Variants in ZNF791 observed in about 807,000 individuals in gnomAD.
ZNF791 encodes zinc finger protein 791.
Under a neutral mutation model 11.5 loss-of-function variants are expected in ZNF791, and 4 were observed. That is an observed-to-expected ratio of 0.35 (90% CI 0.17 to 0.80). ZNF791 has a LOEUF of 0.80. Among genes scored for constraint, ZNF791 ranks in the 30% least tolerant of loss-of-function variants. The pLI, the probability that ZNF791 is intolerant of heterozygous loss-of-function variation, is 0.53. For synonymous variants in ZNF791, 212 were observed against 228.1 expected, an observed-to-expected ratio of 0.93 and a Z score of 0.64; for missense variants, 559 against 699.4, an observed-to-expected ratio of 0.80 and a Z score of 2.26.
At chr19:12,621,803 G>A (rs1300404479) in intron 1 of ZNF791, among the ~76,000 whole-genome samples, 16 of 138,508 alleles carry the variant, frequency 1.2e-4, no homozygotes, top group East Asian at 2.0e-4. Flanking sequence ...CAGCCGCCCC[G>A]TCCGGGAGGT....
Position 12,610,946 on chromosome 19 carries a change from C to A in ZNF791, c.-134C>A. On this transcript the variant is annotated 5_prime_UTR_variant, in exon 1 of 4. Transcript: ENST00000343325. ...AATGCGTGCTACGTCACTGTGCGAT[C>A]GGGTTGTGCTTAGCTTGGGGTCTCC... 2 of 1,237,082 alleles carry A rather than the reference C, an allele frequency of 1.6e-6. No homozygotes were observed. Among genetic ancestry groups the A allele is most frequent in the African/African-American group, 1.5e-5 (1 of 67,742 alleles). 76.6% of individuals were successfully genotyped at this position (1,237,082 alleles called of 1,614,324 possible). A position where few individuals can be genotyped will look rare whatever the true frequency, so the allele number is the denominator to read the frequency against.
Position 12,631,995 on chromosome 19 carries a change from C to T in ZNF791, c.*2735C>T, listed in dbSNP as rs1382414044. ...TTTTTTTTCGAGACGGAGTCTTGCT[C>T]TGTTGCCCAGGCTGGAGTTCAGCGG... is the stretch of plus-strand genomic sequence containing the variant. On this transcript the variant is annotated 3_prime_UTR_variant, in exon 4 of 4. Coordinates refer to ENST00000343325, the MANE Select transcript of ZNF791 (RefSeq NM_153358.3). 3 of 150,568 alleles carry T rather than the reference C, an allele frequency of 2.0e-5. No homozygotes were observed. Among genetic ancestry groups the T allele is most frequent in the Admixed American group, 1.3e-4 (2 of 15,088 alleles). The allele number at this position is 150,568 out of a possible 1,614,324, so 9.3% of individuals were successfully genotyped here. A position where few individuals can be genotyped will look rare whatever the true frequency, so the allele number is the denominator to read the frequency against.
At chr19:12,620,333 G>A (rs62108380) in intron 1 of ZNF791, among the ~76,000 whole-genome samples, 22 of 151,966 alleles carry the variant, frequency 1.4e-4, no homozygotes, top group African/African-American at 4.1e-4. Context: ...GCACCACCAC[G>A]CCTGGCCAAG....
intron 1 of ZNF791, among the ~76,000 whole-genome samples, chr19:12,618,422 G>A (rs1467494684): frequency 1.3e-5 from 2 of 152,012 alleles, no homozygotes; most frequent in Non-Finnish European, 2.9e-5. Context: ...GAGGCGGGAA[G>A]ATTGCTTGAG....
intron 1 of ZNF791, among the ~76,000 whole-genome samples, chr19:12,618,808 AGTGTGT>A (rs60468264): frequency 0.093 from 13,387 of 143,560 alleles, 756 homozygotes; most frequent in African/African-American, 0.15. Flanking sequence ...TTTACCTCTC[AGTGTGT>A]GTGTGTGTGT....
intron 1 of ZNF791, among the ~76,000 whole-genome samples, chr19:12,617,219 G>C (rs1351491677): frequency 1.3e-5 from 2 of 149,782 alleles, no homozygotes; most frequent in African/African-American, 4.9e-5. Context: ...TCCGCCTCCC[G>C]GGTTCAAGCG....
chr19:12,621,718 G>GA, intron 1 of ZNF791, among the ~76,000 whole-genome samples: 1 of 102,150 alleles, frequency 9.8e-6, no homozygotes, highest in Non-Finnish European at 2.3e-5. Context: ...CCACCTCGGT[G>GA]GGGGGTCAGC....
intron 1 of ZNF791, among the ~76,000 whole-genome samples, chr19:12,621,767 G>A (rs12983695): frequency 8.0e-6 from 1 of 125,494 alleles, no homozygotes; most frequent in Non-Finnish European, 1.7e-5. Flanking sequence ...GGAGGGAGGT[G>A]GGGGGGGTCA....
chr19:12,630,455 G>GA lies in ZNF791; in HGVS notation c.*1207dup, dbSNP rs1038589709. ...GGGTGACAGAGCGAGACTCCGTCTC[G>GA]AAAAAAAAAAAATTACAGCACAGAT... On this transcript the variant is annotated 3_prime_UTR_variant, in exon 4 of 4. Transcript: ENST00000343325. 5.4e-4 allele frequency: 76 copies of GA among 141,202 alleles called. No homozygotes were observed. Among genetic ancestry groups the GA allele is most frequent in the African/African-American group, 7.6e-4 (28 of 37,082 alleles). The allele number at this position is 141,202 out of a possible 1,614,324, so 8.7% of individuals were successfully genotyped here.
In ZNF791 at chr19:12,630,787, A is replaced by C. The variant is rs2023493797; in HGVS notation, c.*1527A>C. 6.6e-6 allele frequency: 1 copy of C among 152,222 alleles called. No homozygotes were observed. The highest frequency in any genetic ancestry group is 1.5e-5 in the Non-Finnish European group (1 of 68,042). The allele number at this position is 152,222 out of a possible 1,614,324, so 9.4% of individuals were successfully genotyped here. On this transcript the variant is annotated 3_prime_UTR_variant, in exon 4 of 4. Transcript: ENST00000343325. The stretch of plus-strand genomic sequence containing the variant: ...TAGTCTTTAACAAAAATAGTTTAAA[A>C]AAATTTAATAGAAAAAGCTTATAGA...
intron 1 of ZNF791, among the ~76,000 whole-genome samples, chr19:12,614,258 G>A (rs2023204741): frequency 6.6e-6 from 1 of 152,034 alleles, no homozygotes; most frequent in South Asian, 2.1e-4. Flanking sequence ...TTTTGAGACC[G>A]AGTCTCACTC....
rs953621197 is a variant in ZNF791 at position 12,633,244 on chromosome 19, G to C, written c.*3984G>C. 1.3e-5 allele frequency: 2 copies of C among 151,634 alleles called. No individual in the cohort carries two copies. The highest frequency in any genetic ancestry group is 1.5e-5 in the Non-Finnish European group (1 of 67,986). The allele number at this position is 151,634 out of a possible 1,614,324, so 9.4% of individuals were successfully genotyped here. On this transcript the variant is annotated 3_prime_UTR_variant, in exon 4 of 4. Transcript: ENST00000343325. ...ATTTTCGCCTTTTTTTTATAATTCT[G>C]TCTGGGATTTGAATAGTAGAGTTTG...
Position 12,632,453 on chromosome 19 carries a change from T to A in ZNF791, c.*3193T>A, listed in dbSNP as rs1568292449. 6.6e-6 allele frequency: 1 copy of A among 152,118 alleles called. No individual in the cohort carries two copies. Among genetic ancestry groups the A allele is most frequent in the Non-Finnish European group, 1.5e-5 (1 of 68,024 alleles). The allele number at this position is 152,118 out of a possible 1,614,324, so 9.4% of individuals were successfully genotyped here. Reference sequence around the variant, plus strand: ...AAGGTGGTGCATATATTACCCATTATATATTTATTTCACCTTTTCCGAAAA... The same window carrying A: ...AAGGTGGTGCATATATTACCCATTAAATATTTATTTCACCTTTTCCGAAAA... On this transcript the variant is annotated 3_prime_UTR_variant, in exon 4 of 4. Coordinates refer to ENST00000343325, the MANE Select transcript of ZNF791 (RefSeq NM_153358.3).
intron 1 of ZNF791, among the ~76,000 whole-genome samples, chr19:12,614,664 G>A (rs2023212331): frequency 6.8e-6 from 1 of 147,370 alleles, no homozygotes; most frequent in African/African-American, 2.5e-5. Flanking sequence ...GCACAATCTC[G>A]GCTCACCGCA....
intron 1 of ZNF791, among the ~76,000 whole-genome samples, chr19:12,617,584 A>C (rs2023263937): frequency 6.6e-6 from 1 of 152,030 alleles, no homozygotes; most frequent in Non-Finnish European, 1.5e-5. Context: ...ATATTCTTTG[A>C]AAATTGTTAA....
At position 12,627,659 on chromosome 19, in the gene ZNF791, C is replaced by T. The variant is rs191606587; in HGVS notation, c.192-62C>T. The T allele has an allele frequency of 7.6e-5, 106 of 1,397,246 alleles. No homozygotes were observed. In the Admixed American group the frequency reaches 1.8e-3, roughly 23 times the overall value. 86.6% of individuals were successfully genotyped at this position (1,397,246 alleles called of 1,614,324 possible). A position where few individuals can be genotyped will look rare whatever the true frequency, so the allele number is the denominator to read the frequency against. ...AAAAAAGAACTTTAGTTCTACTACC[C>T]GATAATACATATAAAATCATTAATA... On this transcript the variant is annotated intron_variant, in intron 3 of 3. Coordinates refer to ENST00000343325, the MANE Select transcript of ZNF791 (RefSeq NM_153358.3).
intron 3 of ZNF791, among the ~76,000 whole-genome samples, chr19:12,626,414 G>C (rs1183380031): frequency 2.0e-5 from 3 of 151,676 alleles, no homozygotes; most frequent in African/African-American, 7.3e-5. Flanking sequence ...CTCCCAAAGT[G>C]CTGGGATTAC....
chr19:12,613,785 C>G (rs1413906917), intron 1 of ZNF791, among the ~76,000 whole-genome samples: 1 of 152,002 alleles, frequency 6.6e-6, no homozygotes, highest in African/African-American at 2.4e-5. Context: ...ATATGCCCAC[C>G]ATGGAAGGAT....
chr19:12,633,257 ATAG>A lies in ZNF791; in HGVS notation c.*4001_*4003del, dbSNP rs2023521679. 1.3e-5 allele frequency: 2 copies of A among 152,084 alleles called. No homozygotes were observed. Among genetic ancestry groups the A allele is most frequent in the Non-Finnish European group, 2.9e-5 (2 of 68,040 alleles). The allele number at this position is 152,084 out of a possible 1,614,324, so 9.4% of individuals were successfully genotyped here. A position where few individuals can be genotyped will look rare whatever the true frequency, so the allele number is the denominator to read the frequency against. ...TTTTATAATTCTGTCTGGGATTTGAATAGTAGAGTTTGAATTCAGGAAGGACAC... is the reference window on the plus strand; with the variant it reads ...TTTTATAATTCTGTCTGGGATTTGAATAGAGTTTGAATTCAGGAAGGACAC... On this transcript the variant is annotated 3_prime_UTR_variant, in exon 4 of 4. Transcript: ENST00000343325.
Sources: allele counts gnomAD v4.1 joint callset (sites outside exome capture counted in the v4.1 genomes callset), GRCh38; gene constraint gnomAD v4.1.1; transcripts MANE v1.5; gene names NCBI Gene and HGNC (gene_info 2026-07-23, HGNC 2026-07-21).